RNASEH2A: variants seen among roughly 807,000 people sequenced by gnomAD.
RNASEH2A encodes the protein RNase H(35).
In RNASEH2A, 30 loss-of-function variants were observed where a neutral mutation model predicts 32.7. The observed-to-expected ratio is 0.92, with a 90% CI of 0.69 to 1.25. The LOEUF (loss-of-function observed/expected upper bound fraction) is 1.25. Ranked by LOEUF, RNASEH2A falls within the 50% of genes most tolerant of loss-of-function variation. The pLI is 0.00. For synonymous variants in RNASEH2A, 147 were observed against 165.4 expected (o/e 0.89, Z 0.86); for missense variants, 409 against 398.1 (o/e 1.03, Z -0.23).
chr19:12,811,282 G>T (rs1969066834), intron 6 of RNASEH2A, among the ~76,000 whole-genome samples: 1 of 152,120 alleles, frequency 6.6e-6, no homozygotes, highest in African/African-American at 2.4e-5. Context: ...CCCAGTGATG[G>T]ACTGAGACCC....
At chr19:12,810,550 G>A (rs1413045584) in intron 6 of RNASEH2A, 146 bp downstream of exon 6, 11 of 869,480 alleles carry the variant, frequency 1.3e-5, no homozygotes, top group Non-Finnish European at 1.8e-5. Flanking sequence ...TATTTTTTGA[G>A]ACGGAGTTTC....
Position 12,810,221 on chromosome 19 carries a change from C to T in RNASEH2A, c.549+13C>T, listed in dbSNP as rs758545367. On this transcript the variant is annotated intron_variant, in intron 5 of 7. Transcript: ENST00000221486. Reference sequence around the variant, plus strand: ...CATCTGTGCCAAGGTCAGTACCCTACTAGCCATGGCTGGCTTCCACCATCC... The same window carrying T: ...CATCTGTGCCAAGGTCAGTACCCTATTAGCCATGGCTGGCTTCCACCATCC... The T allele has an allele frequency of 6.2e-7, 1 of 1,614,208 alleles. No individual in the cohort carries two copies. The highest frequency in any genetic ancestry group is 1.3e-5 in the African/African-American group (1 of 75,048).
intron 6 of RNASEH2A, among the ~76,000 whole-genome samples, chr19:12,811,609 T>C (rs1162670332): frequency 1.4e-5 from 2 of 144,428 alleles, no homozygotes; most frequent in East Asian, 4.1e-4. Context: ...CAAGATGAGA[T>C]CTTGTGTCAA....
chr19:12,809,498 A>G (rs113630541), intron 4 of RNASEH2A, among the ~76,000 whole-genome samples: 2,403 of 152,072 alleles, frequency 0.016, 29 homozygotes, highest in Middle Eastern at 0.054. Flanking sequence ...TCACCACTAC[A>G]CCTAGCTAAC....
chr19:12,807,213 G>T lies in RNASEH2A; in HGVS notation c.207G>T (p.Lys69Asn). The T allele has an allele frequency of 6.2e-7, 1 of 1,614,174 alleles. No individual in the cohort carries two copies. Among genetic ancestry groups the T allele is most frequent in the Non-Finnish European group, 8.5e-7 (1 of 1,180,028 alleles). Residue 69 changes from lysine (K) to asparagine (N), a missense_variant, in exon 3 of 8, where the codon AAG becomes AAT. By Grantham distance (94) the Lys-to-Asn change is moderately conservative. Transcript: ENST00000221486. ...TTCCAAACCTCCTCCCAGACTCAAA[G>T]ACCCTATTGGAGAGCGAGCGGGAAA... ...DLEALKVADS[K>N]TLLESERERL...
chr19:12,809,992 GA>G, intron 4 of RNASEH2A, 78 bp from the exon 5 acceptor site: 1 of 1,580,440 alleles, frequency 6.3e-7, no homozygotes, highest in Non-Finnish European at 8.7e-7. Flanking sequence ...TGGGTAGCAG[GA>G]AGAACGTGCC....
chr19:12,807,302 ACCT>A lies in RNASEH2A; in HGVS notation c.298_300del (p.Leu100del), dbSNP rs760229438. On this transcript the variant is annotated inframe_deletion, in exon 3 of 8. Coordinates refer to ENST00000221486, the MANE Select transcript of RNASEH2A (RefSeq NM_006397.3). ...TGGGCGCTGGATGTGCTGTCTCCAA[ACCT>A]CATCTCTACCAGCATGCTTGGGCGG... 1.2e-6 allele frequency: 2 copies of A among 1,614,064 alleles called. No individual in the cohort carries two copies. The highest frequency in any genetic ancestry group is 1.7e-6 in the Non-Finnish European group (2 of 1,180,014).
rs1204188103 is a variant in RNASEH2A, at chr19:12,806,994, C to A, written c.128-14C>A. The A allele has an allele frequency of 1.9e-6, 3 of 1,613,086 alleles. No homozygotes were observed. The highest frequency in any genetic ancestry group is 1.7e-6 in the Non-Finnish European group (2 of 1,179,906). ...GACCCCGGCTGCCAGAAAACTGACA[C>A]CCCTTCTCCCCAGGCCCCATGGTCT... On this transcript the variant is annotated splice_polypyrimidine_tract_variant and intron_variant, in intron 1 of 7. Coordinates refer to ENST00000221486, the MANE Select transcript of RNASEH2A (RefSeq NM_006397.3).
Position 12,810,163 on chromosome 19 carries a change from A to G in RNASEH2A, c.504A>G (p.Ala168=), listed in dbSNP as rs1476897117. 1 of 1,614,246 alleles carries G rather than the reference A, an allele frequency of 6.2e-7. No homozygotes were observed. Among genetic ancestry groups the G allele is most frequent in the East Asian group, 2.2e-5 (1 of 44,888 alleles). ...TTGAGGTGACGGTCAAGGCCAAAGCAGATGCCCTCTACCCGGTGGTTAGTG... is the reference window on the plus strand; with the variant it reads ...TTGAGGTGACGGTCAAGGCCAAAGCGGATGCCCTCTACCCGGTGGTTAGTG... ...PGIEVTVKAK[A]DALYPVVSAA... The change falls in exon 5 of 8, where the codon GCA becomes GCG. Residue 168 remains alanine (A), a synonymous_variant. Transcript: ENST00000221486.
In RNASEH2A at chr19:12,807,232, C is replaced by T. The variant is rs1969006970; in HGVS notation, c.226C>T (p.Arg76Trp). 6.2e-7 allele frequency: 1 copy of T among 1,614,128 alleles called. No homozygotes were observed. Among genetic ancestry groups the T allele is most frequent in the Non-Finnish European group, 8.5e-7 (1 of 1,180,028 alleles). Residue 76 changes from arginine to tryptophan, a missense_variant, in exon 3 of 8, where the codon CGG becomes TGG. Physicochemically the swap from Arg to Trp is moderately radical, Grantham distance 101 (BLOSUM62 -3). Transcript: ENST00000221486. ...CTCAAAGACCCTATTGGAGAGCGAG[C>T]GGGAAAGGCTGTTTGCGAAAATGGA... ...ADSKTLLESERERLFAKMEDT... is the reference protein window; with the variant it reads ...ADSKTLLESEWERLFAKMEDT...
intron 6 of RNASEH2A, among the ~76,000 whole-genome samples, chr19:12,811,983 A>G (rs1474406184): frequency 6.6e-6 from 1 of 151,888 alleles, no homozygotes; most frequent in Non-Finnish European, 1.5e-5. Flanking sequence ...CATGCCCGTA[A>G]TCCTAGCATT....
rs141901212 is a variant in RNASEH2A, at chr19:12,809,112, C to A, written c.412-959C>A. ...GCTGGAGGTTGGGCGCAGTAGCTCA[C>A]GCCTGTAATCCCAGCACTTTGGGAG... On this transcript the variant is annotated intron_variant, in intron 4 of 7. Transcript: ENST00000221486. Among the ~76,000 whole-genome samples the A allele has an allele frequency of 4.2e-3, 639 of 152,228 alleles. 9 individuals carry two copies. Among genetic ancestry groups the A allele is most frequent in the African/African-American group, 0.015 (618 of 41,546 alleles).
Position 12,813,571 on chromosome 19 carries a change from AG to A in RNASEH2A, c.*106del. The A allele has an allele frequency of 6.8e-7, 1 of 1,464,544 alleles. No individual in the cohort carries two copies. Among genetic ancestry groups the A allele is most frequent in the South Asian group, 1.1e-5 (1 of 87,862 alleles). 90.7% of individuals were successfully genotyped at this position (1,464,544 alleles called of 1,614,324 possible). ...ACTTTTGGGACAGAAGCAAGGTGGG[AG>A]TGTGCTCTGCAGCCGGGTCCAGCTA... On this transcript the variant is annotated 3_prime_UTR_variant, in exon 8 of 8. Coordinates refer to ENST00000221486, the MANE Select transcript of RNASEH2A (RefSeq NM_006397.3).
At chr19:12,811,407 C>T (rs1476116501) in intron 6 of RNASEH2A, among the ~76,000 whole-genome samples, 1 of 151,442 alleles carries the variant, frequency 6.6e-6, no homozygotes, top group South Asian at 2.1e-4. Flanking sequence ...TCCTCGAGTT[C>T]AAGACCAGCC....
chr19:12,811,907 T>C (rs10418118), intron 6 of RNASEH2A, among the ~76,000 whole-genome samples: 9,906 of 145,748 alleles, frequency 0.068, 522 homozygotes, highest in African/African-American at 0.15. Context: ...ATGAGCAAAA[T>C]TCCATCTCAA....
In RNASEH2A at chr19:12,810,261, C is replaced by G. The variant is rs373831458; in HGVS notation, c.549+53C>G. The G allele has an allele frequency of 3.4e-3, 5,427 of 1,614,150 alleles. 18 individuals carry two copies. Among genetic ancestry groups the G allele is most frequent in the Non-Finnish European group, 4.3e-3 (5,108 of 1,179,990 alleles). ...TTCCACCATCCCACTATATAGGGGC[C>G]AGGCATGGCCACCAAAGGGAAGGAG... On this transcript the variant is annotated intron_variant, in intron 5 of 7. Transcript: ENST00000221486.
chr19:12,806,837 A>G (rs749095120), intron 1 of RNASEH2A, 37 bp downstream of exon 1: 1 of 1,591,432 alleles, frequency 6.3e-7, no homozygotes, highest in Non-Finnish European at 8.5e-7. Context: ...GGGGCGTGGT[A>G]CGGAGGATGC....
In RNASEH2A at chr19:12,807,274, G is replaced by A. The variant is rs773318256; in HGVS notation, c.268G>A (p.Gly90Ser). 1 of 1,614,194 alleles carries A rather than the reference G, an allele frequency of 6.2e-7. No homozygotes were observed. Among genetic ancestry groups the A allele is most frequent in the Admixed American group, 1.7e-5 (1 of 60,024 alleles). ...FAKMEDTDFV[G>S]WALDVLSPNL... ...GAAAATGGAGGACACGGACTTTGTC[G>A]GCTGGGCGCTGGATGTGCTGTCTCC... Residue 90 changes from glycine (G) to serine (S), a missense_variant, in exon 3 of 8, where the codon GGC becomes AGC. Physicochemically the swap from Gly to Ser is moderately conservative, Grantham distance 56 (BLOSUM62 0). Transcript: ENST00000221486.
chr19:12,811,172 T>C (rs1969065397), intron 6 of RNASEH2A, among the ~76,000 whole-genome samples: 2 of 152,116 alleles, frequency 1.3e-5, no homozygotes, highest in South Asian at 4.1e-4. Context: ...AGTGGTGCCA[T>C]TTGTTTATGG....
Sources: allele counts gnomAD v4.1 joint callset (sites outside exome capture counted in the v4.1 genomes callset), GRCh38; gene constraint gnomAD v4.1.1; transcripts MANE v1.5; gene names NCBI Gene and HGNC (gene_info 2026-07-23, HGNC 2026-07-21).